The following MYH8 variants were observed in gnomAD, a reference collection of about 807,000 sequenced individuals.
The protein encoded by MYH8 is myosin-8.
Under a neutral mutation model 233.2 loss-of-function variants are expected in MYH8, and 168 were observed. The observed-to-expected ratio is 0.72, with a 90% CI of 0.64 to 0.82. The LOEUF is 0.82. Ranked by LOEUF, MYH8 falls within the 40% of genes least tolerant of loss-of-function variation. The pLI, the probability that MYH8 is intolerant of heterozygous loss-of-function variation, is 0.00. For missense variants in MYH8, 1,995 were observed against 2,327.8 expected (o/e 0.86, Z 2.94); for synonymous variants, 785 against 850.6 (o/e 0.92, Z 1.34).
In MYH8 at chr17:10,418,869, G is replaced by C. The variant is rs566895060; in HGVS notation, c.354+18C>G. ...TCAGAGAGAGACATGAAATAAAAAG[G>C]TGTTTACAGACACTCACGTAGATCA... On this transcript the variant is annotated intron_variant, in intron 4 of 39. Coordinates refer to ENST00000403437, the MANE Select transcript of MYH8 (RefSeq NM_002472.3). The C allele has an allele frequency of 3.1e-6, 5 of 1,614,016 alleles. No individual in the cohort carries two copies. The African/African-American group carries it at 4.0e-5, about 13-fold the overall frequency.
At position 10,412,695 on chromosome 17, in the gene MYH8, T is replaced by A. The variant is rs2072254761; in HGVS notation, c.1181A>T (p.Asn394Ile). 6.2e-7 allele frequency: 1 copy of A among 1,614,036 alleles called. No individual in the cohort carries two copies. Among genetic ancestry groups the A allele is most frequent in the African/African-American group, 1.3e-5 (1 of 74,900 alleles). The stretch of plus-strand genomic sequence containing the variant: ...GAGGGCTTTGAGTAGGTCTGCAGAG[T>A]TCAGACTCTGGAGATAGGCTGCCTT... ...ADKAAYLQSL[N>I]SADLLKALCY... is the part of the protein sequence containing the mutation. The change falls in exon 13 of 40, where the codon AAC becomes ATC. Residue 394 changes from asparagine to isoleucine, a missense_variant. By Grantham distance (149) the Asn-to-Ile change is moderately radical. Transcript: ENST00000403437.
chr17:10,390,397 A>G lies in MYH8; in HGVS notation c.*57T>C. The G allele has an allele frequency of 6.2e-7, 1 of 1,607,514 alleles. No homozygotes were observed. The highest frequency in any genetic ancestry group is 8.5e-7 in the Non-Finnish European group (1 of 1,175,794). On this transcript the variant is annotated 3_prime_UTR_variant, in exon 40 of 40. Transcript: ENST00000403437. ...AATAAACGTCATAAAGCAAGTGACC[A>G]AAAATAGCACATTTTGTGCCTTTCT...
intron 5 of MYH8, among the ~76,000 whole-genome samples, chr17:10,418,156 T>G (rs2142191581): frequency 6.6e-6 from 1 of 152,364 alleles, no homozygotes; most frequent in South Asian, 2.1e-4. Flanking sequence ...AAATCATAGC[T>G]TTCTTTACTC....
rs1433432122 is a variant in MYH8, at chr17:10,401,569, T to G, written c.2905A>C (p.Lys969Gln). 1 of 1,614,214 alleles carries G rather than the reference T, an allele frequency of 6.2e-7. No individual in the cohort carries two copies. The highest frequency in any genetic ancestry group is 1.7e-5 in the Admixed American group (1 of 60,028). ...TTGTTCTCCGTGGCATGTTTCTCCT[T>G]CTCAACCTTGGCCAGTGTCAGCTCA... is the stretch of plus-strand genomic sequence containing the variant. ...DLELTLAKVE[K>Q]EKHATENKVK... Residue 969 changes from lysine to glutamine, a missense_variant, in exon 23 of 40, where the codon AAG becomes CAG. Transcript: ENST00000403437.
intron 29 of MYH8, 47 bp downstream of exon 29, chr17:10,398,721 G>T (rs1248738571): frequency 6.2e-7 from 1 of 1,613,436 alleles, no homozygotes; most frequent in Non-Finnish European, 8.5e-7. Flanking sequence ...AGCCTAACTG[G>T]GCAGGTTTAG....
chr17:10,397,038 G>C, intron 30 of MYH8, 52 bp from the exon 31 acceptor site: 1 of 1,580,324 alleles, frequency 6.3e-7, no homozygotes. Flanking sequence ...GAAGCAAAGT[G>C]ATAACCTCCT....
chr17:10,395,147 G>T lies in MYH8; in HGVS notation c.4948C>A (p.Gln1650Lys). The stretch of plus-strand genomic sequence containing the variant: ...GACCCGTTTACCTTCAGGATTCCTT[G>T]GGTGTTCCTGTAGTTCCTTAAACTC... Reference protein sequence around the residue: ...AESLRNYRNTQGILKETQLHL... With the variant: ...AESLRNYRNTKGILKETQLHL... The change falls in exon 34 of 40, where the codon CAA (glutamine) becomes AAA (lysine). Residue 1650 changes from glutamine (Q) to lysine (K), a missense_variant. Physicochemically the swap from Gln to Lys is moderately conservative, Grantham distance 53 (BLOSUM62 1). Transcript: ENST00000403437. The T allele has an allele frequency of 6.2e-7, 1 of 1,613,402 alleles. No individual in the cohort carries two copies. Among genetic ancestry groups the T allele is most frequent in the Non-Finnish European group, 8.5e-7 (1 of 1,179,998 alleles).
Position 10,396,864 on chromosome 17 carries a change from T to A in MYH8, c.4301A>T (p.Asp1434Val). 1 of 1,614,222 alleles carries A rather than the reference T, an allele frequency of 6.2e-7. No homozygotes were observed. Among genetic ancestry groups the A allele is most frequent in the African/African-American group, 1.3e-5 (1 of 75,064 alleles). The change falls in exon 31 of 40, where the codon GAT becomes GTT. Residue 1434 changes from aspartate (D) to valine (V), a missense_variant. Coordinates refer to ENST00000403437, the MANE Select transcript of MYH8 (RefSeq NM_002472.3). This position sits in a 1 kb window ranked among gnomAD's most constrained non-coding sequence, Gnocchi z 4.2. ...ACAGGCTGCATTAGACCTTTCCACA[T>A]CAAGCATGAGGTCTTCAACTTCATT... is the stretch of plus-strand genomic sequence containing the variant. ...LQNEVEDLML[D>V]VERSNAACAA...
chr17:10,395,560 T>A, intron 33 of MYH8, 119 bp from the exon 34 acceptor site: 1 of 992,012 alleles, frequency 1.0e-6, no homozygotes, highest in Non-Finnish European at 1.5e-6. Context: ...TATAATACAG[T>A]AGTTCTGGGA....
rs1220355874 is a variant in MYH8 at position 10,395,127 on chromosome 17, G to C, written c.4962+6C>G. 1 of 1,612,696 alleles carries C rather than the reference G, an allele frequency of 6.2e-7. No individual in the cohort carries two copies. The highest frequency in any genetic ancestry group is 8.5e-7 in the Non-Finnish European group (1 of 1,180,006). ...TCATCTGGGAGGCGAATGTGGACCCGTTTACCTTCAGGATTCCTTGGGTGT... is the reference window on the plus strand; with the variant it reads ...TCATCTGGGAGGCGAATGTGGACCCCTTTACCTTCAGGATTCCTTGGGTGT... On this transcript the variant is annotated splice_donor_region_variant and intron_variant, in intron 34 of 39. Transcript: ENST00000403437.
Position 10,414,395 on chromosome 17 carries a change from C to G in MYH8, c.895G>C (p.Asp299His). 1.9e-6 allele frequency: 3 copies of G among 1,609,582 alleles called. No homozygotes were observed. Among genetic ancestry groups the G allele is most frequent in the East Asian group, 2.2e-5 (1 of 44,828 alleles). The stretch of plus-strand genomic sequence containing the variant: ...TTAAGTTCTTTCTTACCAATTAGAT[C>G]TGGCTTCTTATTGGAAGTGATCTGA... Reference protein sequence around the residue: ...FYQITSNKKPDLIEMLLITTN... With the variant: ...FYQITSNKKPHLIEMLLITTN... Residue 299 changes from aspartate to histidine, a missense_variant, in exon 10 of 40, where the codon GAT becomes CAT. By Grantham distance (81) the Asp-to-His change is moderately conservative. Coordinates refer to ENST00000403437, the MANE Select transcript of MYH8 (RefSeq NM_002472.3).
chr17:10,398,349 C>T (rs1437388514), intron 30 of MYH8, 95 bp downstream of exon 30: 2 of 1,578,596 alleles, frequency 1.3e-6, no homozygotes, highest in Admixed American at 3.3e-5. Context: ...AGTATGCACT[C>T]AATAAATGTT....
chr17:10,407,680 A>G (rs1407125204), intron 17 of MYH8, among the ~76,000 whole-genome samples: 8 of 151,906 alleles, frequency 5.3e-5, no homozygotes, highest in African/African-American at 1.9e-4. Flanking sequence ...CTCTACTAAA[A>G]ATACAAAAAT....
intron 9 of MYH8, 106 bp from the exon 10 acceptor site, chr17:10,414,590 A>G (rs1345440142): frequency 2.3e-5 from 18 of 785,516 alleles, no homozygotes; most frequent in Non-Finnish European, 3.9e-5. Flanking sequence ...ATTTGGCTCC[A>G]ATGAGATTTC....
intron 5 of MYH8, among the ~76,000 whole-genome samples, chr17:10,418,439 A>T (rs900427501): frequency 6.6e-6 from 1 of 152,266 alleles, no homozygotes; most frequent in Non-Finnish European, 1.5e-5. Context: ...CAGTGAATTC[A>T]GTGAGCTTCA....
chr17:10,390,379 G>C lies in MYH8; in HGVS notation c.*75C>G. On this transcript the variant is annotated 3_prime_UTR_variant, in exon 40 of 40. Coordinates refer to ENST00000403437, the MANE Select transcript of MYH8 (RefSeq NM_002472.3). ...ATTCAGCTTTAACAGGAAAATAAAC[G>C]TCATAAAGCAAGTGACCAAAAATAG... is the stretch of plus-strand genomic sequence containing the variant. 1 of 1,557,968 alleles carries C rather than the reference G, an allele frequency of 6.4e-7. No homozygotes were observed. The highest frequency in any genetic ancestry group is 1.4e-5 in the African/African-American group (1 of 73,722).
intron 14 of MYH8, 31 bp downstream of exon 14, chr17:10,412,339 C>T (rs1052909136): frequency 6.2e-7 from 1 of 1,613,958 alleles, no homozygotes; most frequent in Non-Finnish European, 8.5e-7. Flanking sequence ...CCACAATTGC[C>T]TCCTTCTTAA....
intron 12 of MYH8, among the ~76,000 whole-genome samples, chr17:10,412,996 G>A (rs1049930962): frequency 3.3e-5 from 5 of 152,174 alleles, no homozygotes; most frequent in African/African-American, 1.2e-4. Flanking sequence ...CCGTCTTGCA[G>A]TTTTTTGTAA....
intron 9 of MYH8, among the ~76,000 whole-genome samples, chr17:10,414,692 C>T (rs986704304): frequency 1.3e-5 from 2 of 152,164 alleles, no homozygotes; most frequent in Non-Finnish European, 2.9e-5. Context: ...ATATTTTTCA[C>T]ATGAAGGATC....
Sources: allele counts gnomAD v4.1 joint callset (sites outside exome capture counted in the v4.1 genomes callset), GRCh38; gene constraint gnomAD v4.1.1; non-coding constraint Gnocchi (gnomAD v3.1); transcripts MANE v1.5; gene names NCBI Gene and HGNC (gene_info 2026-07-23, HGNC 2026-07-21).